Variants in RABGAP1L observed in about 807,000 individuals in gnomAD.
The protein encoded by RABGAP1L is RAB GTPase activating protein 1 like.
RABGAP1L carries 63 observed loss-of-function variants against 137.7 expected under a neutral mutation model. The observed-to-expected ratio is 0.46, with a 90% CI of 0.37 to 0.56. The LOEUF (loss-of-function observed/expected upper bound fraction) is 0.56. RABGAP1L is among the 20% of genes least tolerant of loss of function. RABGAP1L has a pLI of 0.00. For synonymous variants in RABGAP1L, 431 were observed against 433.7 expected, an observed-to-expected ratio of 0.99 and a Z score of 0.08; for missense variants, 1,095 against 1,244.0, an observed-to-expected ratio of 0.88 and a Z score of 1.80.
At chr1:174,293,257 C>G (rs2148725450) in intron 10 of RABGAP1L, among the ~76,000 whole-genome samples, 1 of 152,020 alleles carries the variant, frequency 6.6e-6, no homozygotes, top group South Asian at 2.1e-4. Flanking sequence ...TAAAGAAAAT[C>G]TAAGGACTTG....
intron 17 of RABGAP1L, among the ~76,000 whole-genome samples, chr1:174,750,026 C>T (rs910877455): frequency 3.9e-5 from 6 of 152,176 alleles, no homozygotes; most frequent in African/African-American, 1.4e-4. Context: ...CCTGCCACCA[C>T]GCCCGGCTAA....
intron 17 of RABGAP1L, among the ~76,000 whole-genome samples, chr1:174,750,347 G>A (rs1055643902): frequency 5.0e-5 from 5 of 99,498 alleles, no homozygotes; most frequent in African/African-American, 2.1e-4. Flanking sequence ...GCCCCTTCCT[G>A]TCGTGATCTG....
intron 13 of RABGAP1L, among the ~76,000 whole-genome samples, chr1:174,519,429 C>T (rs999859898): frequency 4.6e-5 from 7 of 151,944 alleles, no homozygotes; most frequent in Admixed American, 6.6e-5. Context: ...CCAGTCTCAC[C>T]GTTTTATGTT....
intron 13 of RABGAP1L, among the ~76,000 whole-genome samples, chr1:174,612,941 C>G (rs1671406922): frequency 6.6e-6 from 1 of 151,434 alleles, no homozygotes; most frequent in African/African-American, 2.4e-5. Flanking sequence ...TTTGATTCTT[C>G]TCTCTTTTCT....
At chr1:174,321,535 C>T (rs1007127838) in intron 11 of RABGAP1L, among the ~76,000 whole-genome samples, 16 of 152,054 alleles carry the variant, frequency 1.1e-4, no homozygotes, top group South Asian at 2.1e-4. Context: ...TTTCTCAGAC[C>T]GGCCAACACG....
At chr1:174,622,466 A>G (rs1402816386) in intron 13 of RABGAP1L, among the ~76,000 whole-genome samples, 2 of 152,344 alleles carry the variant, frequency 1.3e-5, no homozygotes, top group South Asian at 4.2e-4. Flanking sequence ...AATGTCCAAC[A>G]ATGATAGACT....
intron 1 of RABGAP1L, among the ~76,000 whole-genome samples, chr1:174,168,953 C>T (rs1665130122): frequency 6.6e-6 from 1 of 152,198 alleles, no homozygotes; most frequent in Non-Finnish European, 1.5e-5. Flanking sequence ...TTAGTATACC[C>T]ATCACCTGAA....
chr1:174,805,460 A>T (rs945782454), intron 18 of RABGAP1L, among the ~76,000 whole-genome samples: 7 of 152,202 alleles, frequency 4.6e-5, no homozygotes, highest in Non-Finnish European at 1.0e-4. Context: ...ACGGTTGTGT[A>T]GTAGAGCCAC....
chr1:174,376,634 A>G (rs1339726676), intron 12 of RABGAP1L, among the ~76,000 whole-genome samples: 3 of 152,196 alleles, frequency 2.0e-5, no homozygotes, highest in Non-Finnish European at 2.9e-5. Flanking sequence ...ATTTGACCCA[A>G]TTCAGCATTC....
chr1:174,499,325 T>A (rs1452957008), intron 13 of RABGAP1L, among the ~76,000 whole-genome samples: 2 of 152,172 alleles, frequency 1.3e-5, no homozygotes, highest in Non-Finnish European at 2.9e-5. Context: ...ATGATTGTAA[T>A]CTTCAAAGAT....
intron 1 of RABGAP1L, chr1:174,159,995 C>G (rs1557988472): frequency 6.6e-6 from 1 of 152,368 alleles, no homozygotes; most frequent in Non-Finnish European, 1.5e-5. Context: ...CGGCTGCCGC[C>G]CGCTGCTACG....
intron 11 of RABGAP1L, among the ~76,000 whole-genome samples, chr1:174,330,595 A>G (rs920716872): frequency 6.6e-6 from 1 of 152,096 alleles, no homozygotes; most frequent in Admixed American, 6.6e-5. Context: ...TAAACAAACA[A>G]ACAAACAAAC....
chr1:174,377,112 G>A (rs2149022239), intron 12 of RABGAP1L, among the ~76,000 whole-genome samples: 2 of 152,062 alleles, frequency 1.3e-5, no homozygotes, highest in South Asian at 4.2e-4. Context: ...GCACCATAAA[G>A]GAAAACCATG....
chr1:174,269,597 A>T (rs1674382371), intron 7 of RABGAP1L, among the ~76,000 whole-genome samples: 2 of 150,840 alleles, frequency 1.3e-5, no homozygotes, highest in South Asian at 2.1e-4. Flanking sequence ...TAAGACATTC[A>T]ATAAACAATA....
chr1:174,867,013 A>G (rs1348967454), intron 19 of RABGAP1L, among the ~76,000 whole-genome samples: 1 of 151,830 alleles, frequency 6.6e-6, no homozygotes, highest in Non-Finnish European at 1.5e-5. Context: ...ACTTGAACCC[A>G]GGAGGTTGAG....
At chr1:174,405,721 T>C (rs928458449) in intron 13 of RABGAP1L, among the ~76,000 whole-genome samples, 3 of 152,186 alleles carry the variant, frequency 2.0e-5, no homozygotes, top group African/African-American at 7.2e-5. Context: ...CTCACACCTA[T>C]AATCCCAGCA....
At chr1:174,432,636 C>G (rs938403304) in intron 13 of RABGAP1L, among the ~76,000 whole-genome samples, 1 of 152,232 alleles carries the variant, frequency 6.6e-6, no homozygotes, top group East Asian at 1.9e-4. Context: ...CTCCTGGGTT[C>G]AGGCAATTCT....
At chr1:174,826,227 GTTTTCTTT>G (rs1241027473) in intron 19 of RABGAP1L, among the ~76,000 whole-genome samples, 5 of 152,066 alleles carry the variant, frequency 3.3e-5, no homozygotes, top group Admixed American at 1.3e-4. Context: ...GGTGATTTCA[GTTTTCTTT>G]TTTTCTTTTT....
intron 15 of RABGAP1L, among the ~76,000 whole-genome samples, chr1:174,696,813 T>C (rs1679295680): frequency 6.6e-6 from 1 of 152,232 alleles, no homozygotes; most frequent in Non-Finnish European, 1.5e-5. Context: ...TTCCTTGATA[T>C]CATGTTAAAA....
Sources: allele counts gnomAD v4.1 joint callset (sites outside exome capture counted in the v4.1 genomes callset), GRCh38; gene constraint gnomAD v4.1.1; transcripts MANE v1.5; gene names NCBI Gene and HGNC (gene_info 2026-07-23, HGNC 2026-07-21).